Variants in FTO observed in about 807,000 individuals in gnomAD.
FTO encodes FTO alpha-ketoglutarate dependent dioxygenase.
FTO carries 47 observed loss-of-function variants against 63.9 expected under a neutral mutation model. The observed-to-expected ratio is 0.74, with a 90% CI of 0.58 to 0.94. The LOEUF is 0.94. Ranked by LOEUF, FTO falls within the 40% of genes least tolerant of loss-of-function variation. The pLI is 0.00. For missense variants in FTO, 562 were observed against 618.1 expected, an observed-to-expected ratio of 0.91 and a Z score of 0.96; for synonymous variants, 207 against 224.4, an observed-to-expected ratio of 0.92 and a Z score of 0.69.
chr16:53,862,637 G>A (rs995036408), intron 4 of FTO, among the ~76,000 whole-genome samples: 1 of 149,880 alleles, frequency 6.7e-6, no homozygotes, highest in East Asian at 2.0e-4. Flanking sequence ...CCAGGTTCAA[G>A]CAATTCTCCT....
intron 8 of FTO, among the ~76,000 whole-genome samples, chr16:54,090,838 G>A (rs2086366871): frequency 6.6e-6 from 1 of 152,092 alleles, no homozygotes; most frequent in South Asian, 2.1e-4. Flanking sequence ...GGAGCAGCTG[G>A]GACCAAAAAG....
At chr16:53,914,460 A>G (rs2081806781) in intron 7 of FTO, among the ~76,000 whole-genome samples, 1 of 152,196 alleles carries the variant, frequency 6.6e-6, no homozygotes, top group South Asian at 2.1e-4. Context: ...AAAAATACAA[A>G]CTATTTTTAA....
intron 1 of FTO, among the ~76,000 whole-genome samples, chr16:53,779,165 C>T (rs1370147772): frequency 6.6e-6 from 1 of 152,144 alleles, no homozygotes; most frequent in African/African-American, 2.4e-5. Flanking sequence ...ATAACATCAT[C>T]CCTTTGCTGG....
In FTO at chr16:54,026,798, AT is replaced by A. The variant is rs550412954; in HGVS notation, c.1365-84960del. Among the ~76,000 whole-genome samples the A allele has an allele frequency of 2.5e-3, 374 of 152,270 alleles. 1 individual carries two copies. The highest frequency in any genetic ancestry group is 4.3e-3 in the Non-Finnish European group (293 of 68,026). The stretch of plus-strand genomic sequence containing the variant: ...TTAGGTCATTAAATAAAGTTCCAAC[AT>A]TTTCTTCTTGCCCAAAACATTCACA... On this transcript the variant is annotated intron_variant, in intron 8 of 8. Transcript: ENST00000471389.
intron 8 of FTO, among the ~76,000 whole-genome samples, chr16:54,057,608 C>T (rs976651046): frequency 5.9e-5 from 9 of 151,972 alleles, no homozygotes; most frequent in Non-Finnish European, 1.2e-4. Context: ...GGACTATGGG[C>T]ACGGGCCACC....
Position 53,826,264 on chromosome 16 carries a change from A to G in FTO, c.524A>G (p.Asp175Gly). ...GCTGTGCCATTGTGTATGTCTGCAGATTTCCCCAGGGTTGGGATGGGTTCA... is the reference window on the plus strand; with the variant it reads ...GCTGTGCCATTGTGTATGTCTGCAGGTTTCCCCAGGGTTGGGATGGGTTCA... ...EDAVPLCMSADFPRVGMGSSY... is the reference protein window; with the variant it reads ...EDAVPLCMSAGFPRVGMGSSY... The change falls in exon 3 of 9, where the codon GAT becomes GGT. Residue 175 changes from aspartate (D) to glycine (G), a missense_variant. Transcript: ENST00000471389. The G allele has an allele frequency of 1.2e-6, 2 of 1,614,200 alleles. No individual in the cohort carries two copies. The highest frequency in any genetic ancestry group is 1.7e-6 in the Non-Finnish European group (2 of 1,180,038).
chr16:53,929,592 T>C (rs1300915735), intron 7 of FTO, among the ~76,000 whole-genome samples: 5 of 152,258 alleles, frequency 3.3e-5, no homozygotes, highest in East Asian at 3.8e-4. Context: ...GCTAAACGTA[T>C]GTTTAACTTT....
At position 53,917,749 on chromosome 16, in the gene FTO, T is replaced by TGTCCATCC. The variant is rs1322769643; in HGVS notation, c.1240-16232_1240-16225dup. 5.1e-4 allele frequency among the ~76,000 whole-genome samples: 77 copies of TGTCCATCC among 150,832 alleles called. 1 individual carries two copies. Among genetic ancestry groups the TGTCCATCC allele is most frequent in the South Asian group, 2.7e-3 (13 of 4,738 alleles). On this transcript the variant is annotated intron_variant, in intron 7 of 8. Coordinates refer to ENST00000471389, the MANE Select transcript of FTO (RefSeq NM_001080432.3). ...GTGTGTGTGTGTGTGTGTGTCCATC[T>TGTCCATCC]GTCCATCCGTCGTCCATCTCCTCTG...
chr16:53,984,321 CTTTTTTTTTTTTTTTT>C (rs5816913), intron 8 of FTO, among the ~76,000 whole-genome samples: 4 of 67,290 alleles, frequency 5.9e-5, no homozygotes, highest in Non-Finnish European at 1.1e-4. Context: ...TGGAATGGGT[CTTTTTTTTTTTTTTTT>C]TTTTTTTTTT....
intron 1 of FTO, among the ~76,000 whole-genome samples, chr16:53,714,807 A>G (rs2075855062): frequency 6.6e-6 from 1 of 152,174 alleles, no homozygotes; most frequent in African/African-American, 2.4e-5. Flanking sequence ...GAGGAGTTGC[A>G]TATGCAGACT....
At chr16:53,751,800 G>A (rs897595857) in intron 1 of FTO, among the ~76,000 whole-genome samples, 1 of 152,166 alleles carries the variant, frequency 6.6e-6, no homozygotes, top group Non-Finnish European at 1.5e-5. Context: ...TATGTTACGT[G>A]AATTACATCT....
intron 8 of FTO, among the ~76,000 whole-genome samples, chr16:53,963,629 G>C (rs1027263431): frequency 2.6e-5 from 4 of 152,102 alleles, no homozygotes; most frequent in Non-Finnish European, 5.9e-5. Context: ...TCCTGATCTG[G>C]CCACGTGACG....
intron 2 of FTO, among the ~76,000 whole-genome samples, chr16:53,819,048 C>T (rs1009953962): frequency 3.9e-5 from 6 of 152,124 alleles, no homozygotes; most frequent in Middle Eastern, 3.4e-3. Flanking sequence ...CCTAATTGCA[C>T]GCTATCAGAA....
At chr16:53,740,905 A>G (rs192074796) in intron 1 of FTO, among the ~76,000 whole-genome samples, 42 of 152,390 alleles carry the variant, frequency 2.8e-4, no homozygotes, top group African/African-American at 9.4e-4. Flanking sequence ...TTTCCAAACA[A>G]CATAATCACT....
intron 7 of FTO, among the ~76,000 whole-genome samples, chr16:53,922,457 A>G (rs2082029371): frequency 6.6e-6 from 1 of 152,212 alleles, no homozygotes; most frequent in Non-Finnish European, 1.5e-5. Context: ...TTCAACACCT[A>G]AAAATCCACA....
At chr16:54,005,414 T>C (rs1179979480) in intron 8 of FTO, among the ~76,000 whole-genome samples, 2 of 149,198 alleles carry the variant, frequency 1.3e-5, no homozygotes, top group Non-Finnish European at 3.0e-5. Context: ...AATATACATA[T>C]ATGTATGTGT....
At chr16:53,772,530 T>G (rs1361922339) in intron 1 of FTO, among the ~76,000 whole-genome samples, 1 of 152,132 alleles carries the variant, frequency 6.6e-6, no homozygotes, top group Non-Finnish European at 1.5e-5. Context: ...GTTTTTTATC[T>G]GTCTTCCAAC....
At chr16:53,912,586 G>A (rs1025505791) in intron 7 of FTO, among the ~76,000 whole-genome samples, 6 of 152,116 alleles carry the variant, frequency 3.9e-5, no homozygotes, top group African/African-American at 9.7e-5. Context: ...GTTCCCACTC[G>A]CCGTAGAATC....
At chr16:54,001,806 G>C (rs2143998753) in intron 8 of FTO, among the ~76,000 whole-genome samples, 1 of 152,244 alleles carries the variant, frequency 6.6e-6, no homozygotes, top group African/African-American at 2.4e-5. Context: ...TACTTCTAAG[G>C]CTCCTGAACA....
Sources: allele counts gnomAD v4.1 joint callset (sites outside exome capture counted in the v4.1 genomes callset), GRCh38; gene constraint gnomAD v4.1.1; transcripts MANE v1.5; gene names NCBI Gene and HGNC (gene_info 2026-07-23, HGNC 2026-07-21).